USP12: variants seen among roughly 807,000 people sequenced by gnomAD.
USP12 encodes ubiquitin specific peptidase 12, also known as ubiquitin carboxyl-terminal hydrolase 12.
A neutral mutation model predicts 45.5 loss-of-function variants in USP12; 19 were observed. The ratio of observed to expected loss-of-function variants is 0.42; its 90% CI spans 0.29 to 0.61. The LOEUF is 0.61. Ranked by LOEUF, USP12 falls within the 20% of genes least tolerant of loss-of-function variation. The pLI is 0.22. For missense variants in USP12, 242 were observed against 447.7 expected, an observed-to-expected ratio of 0.54 and a Z score of 4.15; for synonymous variants, 149 against 148.8, an observed-to-expected ratio of 1.00 and a Z score of -0.01.
chr13:27,144,311 C>A (rs985218081), intron 1 of USP12, among the ~76,000 whole-genome samples: 1 of 151,954 alleles, frequency 6.6e-6, no homozygotes, highest in African/African-American at 2.4e-5. Context: ...CTGGGCAACA[C>A]AGTGAGACCC....
intron 6 of USP12, among the ~76,000 whole-genome samples, chr13:27,076,152 G>A (rs1873478549): frequency 6.6e-6 from 1 of 151,854 alleles, no homozygotes; most frequent in Non-Finnish European, 1.5e-5. Flanking sequence ...GGTACAGACT[G>A]ACAATAGGAG....
At chr13:27,084,169 T>TACATACACACACACACACACAC in intron 6 of USP12, among the ~76,000 whole-genome samples, 1 of 142,510 alleles carries the variant, frequency 7.0e-6, no homozygotes, top group African/African-American at 2.7e-5. Flanking sequence ...CATGTTTGCA[T>TACATACACACACACACACACAC]ACACACACAC....
intron 2 of USP12, 81 bp from the exon 3 acceptor site, chr13:27,106,025 C>T (rs1406028089): frequency 1.6e-6 from 2 of 1,230,790 alleles, no homozygotes; most frequent in South Asian, 1.5e-5. Flanking sequence ...TGGTTGAGAA[C>T]AGAAAGAGAT....
At chr13:27,103,745 CA>C (rs1225480806) in intron 3 of USP12, among the ~76,000 whole-genome samples, 72 of 58,068 alleles carry the variant, frequency 1.2e-3, no homozygotes, top group Middle Eastern at 0.017. Context: ...CCATCTCTAC[CA>C]AAAAAAAAAA....
chr13:27,163,098 A>G (rs1878184442), intron 1 of USP12, among the ~76,000 whole-genome samples: 2 of 152,176 alleles, frequency 1.3e-5, no homozygotes, highest in South Asian at 4.1e-4. Flanking sequence ...TAAAAAAAAT[A>G]CAAGCAAATT....
intron 1 of USP12, among the ~76,000 whole-genome samples, chr13:27,147,547 A>C (rs1877362016): frequency 1.3e-5 from 2 of 152,204 alleles, no homozygotes; most frequent in African/African-American, 4.8e-5. Flanking sequence ...TCATGTAAAA[A>C]AGAAAAACAA....
At chr13:27,161,108 G>C (rs1414194691) in intron 1 of USP12, among the ~76,000 whole-genome samples, 2 of 152,106 alleles carry the variant, frequency 1.3e-5, no homozygotes, top group East Asian at 1.9e-4. Flanking sequence ...AAACTTCAAA[G>C]TCCCAGCTAC....
At chr13:27,085,908 G>A (rs1399430579) in intron 6 of USP12, among the ~76,000 whole-genome samples, 1 of 151,978 alleles carries the variant, frequency 6.6e-6, no homozygotes, top group Non-Finnish European at 1.5e-5. Context: ...TCTAGCTCCT[G>A]TAATTCCAGC....
chr13:27,168,438 G>A (rs188918597), intron 1 of USP12, among the ~76,000 whole-genome samples: 115 of 152,174 alleles, frequency 7.6e-4, no homozygotes, highest in Admixed American at 1.4e-3. Context: ...CGGACCACCC[G>A]GATTAGCCAC....
rs1187845484 is a variant in USP12, at chr13:27,069,253, CAG to C, written c.*28_*29del. ...CAAAATAACCAGAGAAGAAATGAGG[CAG>C]AAAGTGTCTCTTCATCACGGTTCCC... On this transcript the variant is annotated 3_prime_UTR_variant, in exon 9 of 9. Transcript: ENST00000282344. 1.3e-6 allele frequency: 2 copies of C among 1,547,154 alleles called. No individual in the cohort carries two copies. The highest frequency in any genetic ancestry group is 1.4e-5 in the African/African-American group (1 of 73,562).
rs1873100930 is a variant in USP12 at position 27,068,669 on chromosome 13, C to CT, written c.*613dup. On this transcript the variant is annotated 3_prime_UTR_variant, in exon 9 of 9. Transcript: ENST00000282344. ...TTCCCCTTGGGGAAACAAAAAGCCACTTTTGACCAATTGCTCCCTACATAT... is the reference window on the plus strand; with the variant it reads ...TTCCCCTTGGGGAAACAAAAAGCCACTTTTTGACCAATTGCTCCCTACATAT... 6.6e-6 allele frequency: 1 copy of CT among 152,146 alleles called. No individual in the cohort carries two copies. Among genetic ancestry groups the CT allele is most frequent in the Non-Finnish European group, 1.5e-5 (1 of 68,030 alleles). The allele number at this position is 152,146 out of a possible 1,614,324, so 9.4% of individuals were successfully genotyped here. A position where few individuals can be genotyped will look rare whatever the true frequency, so the allele number is the denominator to read the frequency against.
intron 2 of USP12, among the ~76,000 whole-genome samples, chr13:27,114,009 G>A (rs939545831): frequency 2.0e-5 from 3 of 152,154 alleles, no homozygotes; most frequent in Non-Finnish European, 4.4e-5. Context: ...GATTAGAAAT[G>A]CAATCATAAT....
intron 1 of USP12, among the ~76,000 whole-genome samples, chr13:27,121,382 C>T (rs1414550081): frequency 1.3e-5 from 2 of 151,814 alleles, no homozygotes; most frequent in Non-Finnish European, 2.9e-5. Flanking sequence ...ACCTCTTCCA[C>T]TCCACAAAAG....
At chr13:27,163,240 A>T (rs1487630868) in intron 1 of USP12, among the ~76,000 whole-genome samples, 1 of 152,198 alleles carries the variant, frequency 6.6e-6, no homozygotes, top group Non-Finnish European at 1.5e-5. Context: ...TTTTAATGTG[A>T]ATCAATACTT....
At chr13:27,096,753 T>C (rs1367007380) in intron 3 of USP12, among the ~76,000 whole-genome samples, 3 of 152,178 alleles carry the variant, frequency 2.0e-5, no homozygotes, top group East Asian at 3.9e-4. Flanking sequence ...CACAAGAACA[T>C]ACATGAATTG....
intron 1 of USP12, among the ~76,000 whole-genome samples, chr13:27,156,434 G>A (rs114351156): frequency 0.015 from 2,287 of 152,290 alleles, 65 homozygotes; most frequent in African/African-American, 0.052. Flanking sequence ...ATATAGTGAC[G>A]AAACGCAACG....
At chr13:27,112,919 A>T (rs961720996) in intron 2 of USP12, among the ~76,000 whole-genome samples, 3 of 152,166 alleles carry the variant, frequency 2.0e-5, no homozygotes, top group African/African-American at 7.2e-5. Context: ...TAACCACCAT[A>T]ATGTCAATAG....
intron 1 of USP12, among the ~76,000 whole-genome samples, chr13:27,135,778 T>C (rs1462517410): frequency 6.6e-6 from 1 of 152,212 alleles, no homozygotes; most frequent in Non-Finnish European, 1.5e-5. Context: ...GCTGCTATTA[T>C]ACATATGGGT....
At chr13:27,098,852 G>A (rs543695975) in intron 3 of USP12, among the ~76,000 whole-genome samples, 1 of 152,272 alleles carries the variant, frequency 6.6e-6, no homozygotes, top group East Asian at 1.9e-4. Context: ...GGTTAAAATG[G>A]AAACAGTTCC....
Sources: gnomAD v4.1 joint callset for allele counts (sites outside exome capture counted in the v4.1 genomes callset) on GRCh38, gnomAD v4.1.1 for gene constraint, MANE v1.5 for transcripts, NCBI Gene and HGNC (gene_info 2026-07-23, HGNC 2026-07-21) for gene names.